The following PCDH19 variants were observed in gnomAD, a reference collection of about 807,000 sequenced individuals.
PCDH19 encodes the protein protocadherin 19, also known as protocadherin-19.
A neutral mutation model predicts 46.2 loss-of-function variants in PCDH19; 6 were observed. That is an observed-to-expected ratio of 0.13 (90% CI 0.07 to 0.26). The LOEUF (loss-of-function observed/expected upper bound fraction) is 0.26, where lower values mean the gene tolerates loss of function less well. Ranked by LOEUF, PCDH19 falls within the 10% of genes least tolerant of loss-of-function variation. PCDH19 has a pLI of 1.00. For missense variants in PCDH19, 740 were observed against 972.3 expected, an observed-to-expected ratio of 0.76 and a Z score of 3.18; for synonymous variants, 481 against 415.7, an observed-to-expected ratio of 1.16 and a Z score of -1.91.
chrX:100,377,426 T>C (rs933507721), intron 3 of PCDH19, among the ~76,000 whole-genome samples: 1 of 112,090 alleles, frequency 8.9e-6, no homozygotes, highest in Non-Finnish European at 1.9e-5. Flanking sequence ...CACATAATTC[T>C]TCATCTTATG....
rs772534921 is a variant in PCDH19 at position 100,318,537 on chromosome X, G to A, written c.2849-21662C>T. 1.8e-3 allele frequency among the ~76,000 whole-genome samples: 203 copies of A among 112,164 alleles called. 9 individuals are homozygous for A. Among genetic ancestry groups the A allele is most frequent in the Admixed American group, 1.1e-3 (12 of 10,566 alleles). On this transcript the variant is annotated intron_variant, in intron 5 of 5. Coordinates refer to ENST00000373034, the MANE Select transcript of PCDH19 (RefSeq NM_001184880.2). Reference sequence around the variant, plus strand: ...CCTGAAGACATCACGCCATCAGGCTGCATTGGTGACCCAAATGCCACCATT... The same window carrying A: ...CCTGAAGACATCACGCCATCAGGCTACATTGGTGACCCAAATGCCACCATT...
At chrX:100,312,995 T>G (rs1365981750) in intron 5 of PCDH19, among the ~76,000 whole-genome samples, 1 of 109,456 alleles carries the variant, frequency 9.1e-6, no homozygotes, top group Admixed American at 9.8e-5. Flanking sequence ...GGCCACAAAA[T>G]CACACACACA....
At chrX:100,372,130 G>A (rs973557813) in intron 3 of PCDH19, among the ~76,000 whole-genome samples, 1 of 111,637 alleles carries the variant, frequency 9.0e-6, no homozygotes. Flanking sequence ...CCAGCTGCTT[G>A]AGAGGCTGAG....
intron 5 of PCDH19, among the ~76,000 whole-genome samples, chrX:100,310,853 TA>T (rs930411345): frequency 3.0e-4 from 32 of 106,620 alleles, no homozygotes; most frequent in Middle Eastern, 4.7e-3. Flanking sequence ...ATAAAAAAAT[TA>T]AAAAAAAACT....
chrX:100,297,055 C>G (rs2048954691), intron 5 of PCDH19, among the ~76,000 whole-genome samples, 180 bp from the exon 6 acceptor site: 1 of 111,132 alleles, frequency 9.0e-6, no homozygotes, highest in African/African-American at 3.3e-5. Context: ...GGCTGAAGAT[C>G]TCCCTCTATG....
intron 3 of PCDH19, among the ~76,000 whole-genome samples, chrX:100,353,071 C>G (rs1926615519): frequency 8.9e-6 from 1 of 111,837 alleles, no homozygotes; most frequent in Non-Finnish European, 1.9e-5. Flanking sequence ...CTGCATTTAT[C>G]AGACCCATGA....
chrX:100,343,808 T>C (rs777759178), intron 4 of PCDH19, among the ~76,000 whole-genome samples: 36 of 111,971 alleles, frequency 3.2e-4, no homozygotes, highest in Non-Finnish European at 6.2e-4. Context: ...CTAATAGACC[T>C]ATGCCTCTGA....
intron 5 of PCDH19, among the ~76,000 whole-genome samples, chrX:100,337,579 A>G (rs1286144749): frequency 8.9e-6 from 1 of 112,036 alleles, no homozygotes; most frequent in Non-Finnish European, 1.9e-5. Flanking sequence ...TCATCAACCA[A>G]CTGACCTGGT....
chrX:100,336,940 G>A (rs1926107418), intron 5 of PCDH19, among the ~76,000 whole-genome samples: 1 of 111,337 alleles, frequency 9.0e-6, no homozygotes, highest in African/African-American at 3.3e-5. Context: ...TAAGAATAAT[G>A]GGATATCCAC....
chrX:100,311,352 G>A (rs1420273784), intron 5 of PCDH19, among the ~76,000 whole-genome samples: 2 of 111,036 alleles, frequency 1.8e-5, no homozygotes, highest in African/African-American at 3.3e-5. Context: ...GACAGAGCAC[G>A]TTGGCCAAGA....
At chrX:100,358,834 A>G (rs1361808463) in intron 3 of PCDH19, among the ~76,000 whole-genome samples, 1 of 112,301 alleles carries the variant, frequency 8.9e-6, no homozygotes, top group Non-Finnish European at 1.9e-5. Context: ...AAGAGCAAAT[A>G]AAATGAAAAA....
intron 3 of PCDH19, among the ~76,000 whole-genome samples, chrX:100,399,103 C>T (rs1359571900): frequency 9.0e-6 from 1 of 111,654 alleles, no homozygotes; most frequent in Non-Finnish European, 1.9e-5. Flanking sequence ...ATAATAACTG[C>T]TAATGGGATA....
At chrX:100,358,341 A>G (rs1448807796) in intron 3 of PCDH19, among the ~76,000 whole-genome samples, 1 of 112,126 alleles carries the variant, frequency 8.9e-6, no homozygotes, top group African/African-American at 3.2e-5. Flanking sequence ...AGGACTATCA[A>G]TGAGAAACAC....
chrX:100,308,539 CTTAA>C, intron 5 of PCDH19, among the ~76,000 whole-genome samples: 1 of 111,116 alleles, frequency 9.0e-6, no homozygotes, highest in African/African-American at 3.3e-5. Flanking sequence ...ATAGATGGGA[CTTAA>C]TTAAAGCTTC....
At chrX:100,312,157 T>C (rs1226525192) in intron 5 of PCDH19, among the ~76,000 whole-genome samples, 2 of 108,061 alleles carry the variant, frequency 1.9e-5, no homozygotes, top group East Asian at 3.0e-4. Context: ...GAGTAAAACA[T>C]TGGATGGGAG....
At chrX:100,361,953 A>G (rs1438271387) in intron 3 of PCDH19, among the ~76,000 whole-genome samples, 2 of 112,110 alleles carry the variant, frequency 1.8e-5, no homozygotes, top group African/African-American at 6.5e-5. Flanking sequence ...TCCTGCAGGA[A>G]GATTAAGAAA....
chrX:100,385,737 T>C (rs1282892513), intron 3 of PCDH19, among the ~76,000 whole-genome samples: 2 of 110,586 alleles, frequency 1.8e-5, no homozygotes, highest in African/African-American at 3.3e-5. Context: ...TCACTAAAAA[T>C]ACAAAAATTA....
At chrX:100,396,783 A>C (rs1356866667) in intron 3 of PCDH19, among the ~76,000 whole-genome samples, 1 of 112,009 alleles carries the variant, frequency 8.9e-6, no homozygotes, top group Non-Finnish European at 1.9e-5. Flanking sequence ...AAACATGCCA[A>C]TAAGATACAA....
chrX:100,380,798 C>T (rs1927531809), intron 3 of PCDH19, among the ~76,000 whole-genome samples: 1 of 112,289 alleles, frequency 8.9e-6, no homozygotes. Flanking sequence ...AAACCCGTTT[C>T]CCTGCTACAA....
Sources: gnomAD v4.1 joint callset for allele counts (sites outside exome capture counted in the v4.1 genomes callset) on GRCh38, gnomAD v4.1.1 for gene constraint, MANE v1.5 for transcripts, NCBI Gene and HGNC (gene_info 2026-07-23, HGNC 2026-07-21) for gene names.